Variants in PAPPA observed in about 807,000 individuals in gnomAD.
PAPPA encodes pappalysin-1.
In PAPPA, 60 loss-of-function variants were observed where a neutral mutation model predicts 164.0. That is an observed-to-expected ratio of 0.37 (90% confidence interval 0.30 to 0.45). The LOEUF is 0.45. Ranked by LOEUF, PAPPA falls within the 20% of genes least tolerant of loss-of-function variation. The pLI is 1.00. For synonymous variants in PAPPA, 875 were observed against 814.1 expected (o/e 1.07, Z -1.27); for missense variants, 1,782 against 2,087.3 (o/e 0.85, Z 2.85).
At chr9:116,299,283 T>C (rs887795649) in intron 9 of PAPPA, among the ~76,000 whole-genome samples, 1 of 152,210 alleles carries the variant, frequency 6.6e-6, no homozygotes, top group Non-Finnish European at 1.5e-5. Flanking sequence ...TATTTTTCTG[T>C]CTTTTAACTC....
At chr9:116,282,686 A>T (rs189882272) in intron 9 of PAPPA, among the ~76,000 whole-genome samples, 1 of 152,154 alleles carries the variant, frequency 6.6e-6, no homozygotes, top group African/African-American at 2.4e-5. Context: ...CTTAACTACT[A>T]ATTTATGCTA....
chr9:116,257,819 A>G (rs1033596864), intron 7 of PAPPA, among the ~76,000 whole-genome samples: 1 of 151,962 alleles, frequency 6.6e-6, no homozygotes, highest in Non-Finnish European at 1.5e-5. Context: ...AACAAATAAA[A>G]CAGTCTATGA....
Position 116,187,698 on chromosome 9 carries a change from G to A in PAPPA, c.960G>A (p.Thr320=), listed in dbSNP as rs568436113. The change falls in exon 2 of 22, where the codon ACG becomes ACA. Residue 320 remains threonine, a synonymous_variant. Transcript: ENST00000328252. The surrounding 1 kb of genome is among the most constrained non-coding windows in gnomAD (Gnocchi z 4.2). ...ATGCCCACGGCTTTCTGCTGGACAC[G>A]AGTCTGGAGCCTCCTCTGTGCGGAC... is the stretch of plus-strand genomic sequence containing the variant. ...FSNAHGFLLD[T]SLEPPLCGQT... The A allele has an allele frequency of 6.2e-6, 10 of 1,614,248 alleles. No homozygotes were observed. In the East Asian group the frequency reaches 1.1e-4, roughly 18 times the overall value.
At chr9:116,243,471 G>A (rs1206170008) in intron 7 of PAPPA, among the ~76,000 whole-genome samples, 2 of 152,128 alleles carry the variant, frequency 1.3e-5, no homozygotes, top group African/African-American at 4.8e-5. Context: ...CTTAGATGGA[G>A]AAGCTCAGAC....
intron 1 of PAPPA, among the ~76,000 whole-genome samples, chr9:116,162,256 G>A (rs898184611): frequency 6.6e-6 from 1 of 152,130 alleles, no homozygotes; most frequent in African/African-American, 2.4e-5. Context: ...AGCATCTTTG[G>A]CCCTGTTTAT....
At chr9:116,185,107 G>A (rs1843954257) in intron 1 of PAPPA, among the ~76,000 whole-genome samples, 2 of 152,148 alleles carry the variant, frequency 1.3e-5, no homozygotes, top group African/African-American at 4.8e-5. Context: ...TAGTCATTGG[G>A]AAATCTAGAA....
rs78147880 is a variant in PAPPA at position 116,165,348 on chromosome 9, G to A, written c.415+10761G>A. The stretch of plus-strand genomic sequence containing the variant: ...CACATTCTACAAACTCCACACTTCC[G>A]AAACAATCATCTTTCCTCCAAAATT... On this transcript the variant is annotated intron_variant, in intron 1 of 21. Transcript: ENST00000328252. Among the ~76,000 whole-genome samples, 1,071 of 152,176 alleles carry A rather than the reference G, an allele frequency of 7.0e-3. 80 individuals carry two copies. The East Asian group carries it at 0.17, about 24-fold the overall frequency.
rs544511390 is a variant in PAPPA at position 116,252,704 on chromosome 9, G to A, written c.2733-13153G>A. Among the ~76,000 whole-genome samples, 17 of 152,274 alleles carry A rather than the reference G, an allele frequency of 1.1e-4. No individual in the cohort carries two copies. The South Asian group carries it at 2.7e-3, about 24-fold the overall frequency. ...CTTGCGTTTACAACAGTGATTCTCCGTCACTTGATGATTCAAGCCCCAACA... is the reference window on the plus strand; with the variant it reads ...CTTGCGTTTACAACAGTGATTCTCCATCACTTGATGATTCAAGCCCCAACA... On this transcript the variant is annotated intron_variant, in intron 7 of 21. Coordinates refer to ENST00000328252, the MANE Select transcript of PAPPA (RefSeq NM_002581.5).
At chr9:116,363,803 G>C (rs953642026) in intron 18 of PAPPA, among the ~76,000 whole-genome samples, 2 of 152,224 alleles carry the variant, frequency 1.3e-5, no homozygotes, top group Non-Finnish European at 2.9e-5. Flanking sequence ...TGGTTGGAGA[G>C]GGAAGGTTCA....
chr9:116,214,628 C>T (rs975087717), intron 4 of PAPPA, among the ~76,000 whole-genome samples: 2 of 152,056 alleles, frequency 1.3e-5, no homozygotes, highest in African/African-American at 4.8e-5. Flanking sequence ...GACAGAGCTC[C>T]AGAGGAGTAT....
intron 15 of PAPPA, among the ~76,000 whole-genome samples, chr9:116,348,334 T>C (rs1846238300): frequency 1.3e-5 from 2 of 151,604 alleles, no homozygotes; most frequent in African/African-American, 4.8e-5. Flanking sequence ...GAACTTGATA[T>C]TGCCACCTAA....
At chr9:116,369,750 C>A (rs527582214) in intron 19 of PAPPA, among the ~76,000 whole-genome samples, 2 of 152,040 alleles carry the variant, frequency 1.3e-5, no homozygotes, top group South Asian at 2.1e-4. Flanking sequence ...AAGCTGCCCC[C>A]CCTCCCCACC....
intron 18 of PAPPA, among the ~76,000 whole-genome samples, chr9:116,363,478 A>T (rs1179950116): frequency 6.6e-6 from 1 of 152,210 alleles, no homozygotes; most frequent in Non-Finnish European, 1.5e-5. Flanking sequence ...ATTGTATGCC[A>T]GGGATTTGCC....
At chr9:116,386,507 C>T (rs190174877) in intron 21 of PAPPA, among the ~76,000 whole-genome samples, 3 of 152,280 alleles carry the variant, frequency 2.0e-5, no homozygotes, top group Admixed American at 1.3e-4. Context: ...ATTCTTATTC[C>T]CATCACACAG....
Position 116,187,292 on chromosome 9 carries a change from T to C in PAPPA, c.554T>C (p.Ile185Thr). ...KTDRARQVTTINAHRSYLPGQ... is the reference protein window; with the variant it reads ...KTDRARQVTTTNAHRSYLPGQ... ...GACCGAGCCCGGCAAGTGACCACCA[T>C]CAATGCCCACCGCAGCTACCTCCCA... The change falls in exon 2 of 22, where the codon ATC becomes ACC. Residue 185 changes from isoleucine to threonine, a missense_variant. Ile to Thr is a moderately conservative substitution (Grantham distance 89, BLOSUM62 -1). Coordinates refer to ENST00000328252, the MANE Select transcript of PAPPA (RefSeq NM_002581.5). The surrounding 1 kb of genome is among the most constrained non-coding windows in gnomAD (Gnocchi z 4.2). The C allele has an allele frequency of 6.2e-7, 1 of 1,614,074 alleles. No homozygotes were observed. The highest frequency in any genetic ancestry group is 2.2e-5 in the East Asian group (1 of 44,868).
intron 2 of PAPPA, among the ~76,000 whole-genome samples, chr9:116,189,185 A>T (rs1480491687): frequency 6.6e-6 from 1 of 152,200 alleles, no homozygotes; most frequent in Non-Finnish European, 1.5e-5. Flanking sequence ...AATAGAACAA[A>T]TCTAGAGGGC....
chr9:116,339,857 C>T (rs1846111329), intron 13 of PAPPA, among the ~76,000 whole-genome samples: 1 of 152,126 alleles, frequency 6.6e-6, no homozygotes. Context: ...GACTGGAATC[C>T]ATTCTTATTG....
chr9:116,246,965 G>A (rs1844803987), intron 7 of PAPPA, among the ~76,000 whole-genome samples: 1 of 152,014 alleles, frequency 6.6e-6, no homozygotes, highest in Non-Finnish European at 1.5e-5. Context: ...AGGCTGCAGT[G>A]GTGAGCCATG....
intron 21 of PAPPA, among the ~76,000 whole-genome samples, chr9:116,384,270 TTAATAA>T (rs3040228): frequency 1.4e-3 from 195 of 138,274 alleles, no homozygotes; most frequent in Non-Finnish European, 2.4e-3. Context: ...CTACACGTAA[TTAATAA>T]TAATAATAAT....
Sources: gnomAD v4.1 joint callset for allele counts (sites outside exome capture counted in the v4.1 genomes callset) on GRCh38, gnomAD v4.1.1 for gene constraint, Gnocchi (gnomAD v3.1) non-coding constraint, MANE v1.5 for transcripts, NCBI Gene and HGNC (gene_info 2026-07-23, HGNC 2026-07-21) for gene names.